The following ESYT2 variants were observed in gnomAD, a reference collection of about 807,000 sequenced individuals.
ESYT2 encodes extended synaptotagmin 2.
Under a neutral mutation model 107.2 loss-of-function variants are expected in ESYT2, and 54 were observed. The observed-to-expected ratio is 0.50, with a 90% CI of 0.40 to 0.63. ESYT2 has a LOEUF of 0.63. ESYT2 is among the 30% of genes least tolerant of loss of function. The pLI is 0.00. For synonymous variants in ESYT2, 491 were observed against 434.1 expected (o/e 1.13, Z -1.63); for missense variants, 1,020 against 1,094.5 (o/e 0.93, Z 0.96).
At chr7:158,746,175 G>A (rs570036250) in intron 16 of ESYT2, among the ~76,000 whole-genome samples, 2 of 152,044 alleles carry the variant, frequency 1.3e-5, no homozygotes, top group South Asian at 4.2e-4. Context: ...GAGCTCAGGA[G>A]TTCGAGACCA....
At chr7:158,739,961 A>C (rs904361930) in intron 18 of ESYT2, among the ~76,000 whole-genome samples, 1 of 152,196 alleles carries the variant, frequency 6.6e-6, no homozygotes, top group Non-Finnish European at 1.5e-5. Context: ...TTAACAGAAT[A>C]AACTGGGTTC....
rs925122654 is a variant in ESYT2, at chr7:158,829,375, C to T, written c.44G>A (p.Gly15Glu). Residue 15 changes from glycine to glutamate, a missense_variant, in exon 1 of 23, where the codon GGG (glycine) becomes GAG (glutamate). Coordinates refer to ENST00000275418, the MANE Select transcript of ESYT2 (RefSeq NM_001367773.1). ...CTCAGGCGCCGCGCGGCCCCCAGCCCCGCCGGCGCCCGCCTCCGGGCCCTC... is the reference window on the plus strand; with the variant it reads ...CTCAGGCGCCGCGCGGCCCCCAGCCTCGCCGGCGCCCGCCTCCGGGCCCTC... Reference protein sequence around the residue: ...RGEGPEAGAGGAGGRAAPENP... With the variant: ...RGEGPEAGAGEAGGRAAPENP... 1.1e-4 allele frequency: 138 copies of T among 1,267,562 alleles called. No individual in the cohort carries two copies. The highest frequency in any genetic ancestry group is 1.3e-4 in the Non-Finnish European group (134 of 1,013,750). The allele number at this position is 1,267,562 out of a possible 1,614,324, so 78.5% of individuals were successfully genotyped here.
At chr7:158,819,266 T>G (rs1220839907) in intron 1 of ESYT2, among the ~76,000 whole-genome samples, 3 of 152,242 alleles carry the variant, frequency 2.0e-5, no homozygotes, top group African/African-American at 7.2e-5. Flanking sequence ...AAAATTATCA[T>G]GTCTAATGAG....
intron 15 of ESYT2, among the ~76,000 whole-genome samples, chr7:158,749,370 C>T (rs1390892690): frequency 3.3e-5 from 5 of 152,122 alleles, no homozygotes; most frequent in African/African-American, 9.7e-5. Flanking sequence ...CTCCCTGCCT[C>T]GGCCTCCCAA....
intron 13 of ESYT2, among the ~76,000 whole-genome samples, chr7:158,754,678 ATAAACT>A (rs1373915242): frequency 6.6e-6 from 1 of 152,204 alleles, no homozygotes. Flanking sequence ...TGATGAATCT[ATAAACT>A]TAATAAAGTG....
chr7:158,797,887 T>A (rs1317837615), intron 3 of ESYT2, 55 bp downstream of exon 3: 2 of 1,569,058 alleles, frequency 1.3e-6, no homozygotes, highest in Middle Eastern at 1.7e-4. Flanking sequence ...TGTTGTTTTG[T>A]GTTTTCACAG....
chr7:158,749,509 G>C (rs1837516415), intron 15 of ESYT2, 140 bp downstream of exon 15: 3 of 700,742 alleles, frequency 4.3e-6, no homozygotes, highest in Non-Finnish European at 4.8e-6. Context: ...AGAAAAAATA[G>C]ATCTGAAAAG....
At chr7:158,761,128 C>T (rs1315159620) in intron 11 of ESYT2, among the ~76,000 whole-genome samples, 1 of 152,154 alleles carries the variant, frequency 6.6e-6, no homozygotes, top group Non-Finnish European at 1.5e-5. Flanking sequence ...ACTGTGCCTT[C>T]TCCACCATTC....
At chr7:158,777,557 T>C (rs1584831768) in intron 6 of ESYT2, among the ~76,000 whole-genome samples, 1 of 152,210 alleles carries the variant, frequency 6.6e-6, no homozygotes, top group Admixed American at 6.5e-5. Flanking sequence ...CCTGCCATCA[T>C]GTAAGATGTG....
intron 6 of ESYT2, among the ~76,000 whole-genome samples, chr7:158,783,903 C>A (rs1839015401): frequency 6.6e-6 from 1 of 152,230 alleles, no homozygotes; most frequent in South Asian, 2.1e-4. Context: ...GGGACAGAAG[C>A]CATGGGGGAG....
chr7:158,741,028 CTA>C (rs1183570234), intron 18 of ESYT2, among the ~76,000 whole-genome samples: 2 of 152,258 alleles, frequency 1.3e-5, no homozygotes, highest in Non-Finnish European at 2.9e-5. Flanking sequence ...TAACACACAC[CTA>C]TGAGTCATGG....
chr7:158,799,301 A>C (rs1486883725), intron 1 of ESYT2, among the ~76,000 whole-genome samples: 1 of 152,246 alleles, frequency 6.6e-6, no homozygotes, highest in Non-Finnish European at 1.5e-5. Context: ...TTGTGTGTGG[A>C]AAATGCCATC....
At chr7:158,824,654 G>T (rs969410695) in intron 1 of ESYT2, among the ~76,000 whole-genome samples, 1 of 152,090 alleles carries the variant, frequency 6.6e-6, no homozygotes, top group African/African-American at 2.4e-5. Flanking sequence ...AAGTATGAGG[G>T]TAATAAAAGA....
chr7:158,765,113 G>C (rs1056552356), intron 8 of ESYT2, among the ~76,000 whole-genome samples: 1 of 152,022 alleles, frequency 6.6e-6, no homozygotes, highest in African/African-American at 2.4e-5. Context: ...GCTTCTGGAG[G>C]GACAACCCCT....
In ESYT2 at chr7:158,759,483, T is replaced by G. The variant is rs1206177759; in HGVS notation, c.1419+3A>C. On this transcript the variant is annotated splice_donor_region_variant and intron_variant, in intron 13 of 22. Coordinates refer to ENST00000275418, the MANE Select transcript of ESYT2 (RefSeq NM_001367773.1). ...CCACAGGTGTTACCACTGTGTTACC[T>G]ACCGGAAGGTTCCTTGCTGAATCCA... 1 of 1,608,050 alleles carries G rather than the reference T, an allele frequency of 6.2e-7. No individual in the cohort carries two copies. Among genetic ancestry groups the G allele is most frequent in the Non-Finnish European group, 8.5e-7 (1 of 1,175,454 alleles).
At chr7:158,806,081 G>A (rs1420295266) in intron 1 of ESYT2, among the ~76,000 whole-genome samples, 1 of 149,490 alleles carries the variant, frequency 6.7e-6, no homozygotes, top group Non-Finnish European at 1.5e-5. Flanking sequence ...CACCGCGTGG[G>A]AGGCGCCGGG....
chr7:158,741,230 C>T (rs980130524), intron 18 of ESYT2, among the ~76,000 whole-genome samples: 6 of 152,230 alleles, frequency 3.9e-5, no homozygotes, highest in Admixed American at 1.3e-4. Context: ...CCCAGGCACA[C>T]AGCAGCGTCC....
Position 158,741,522 on chromosome 7 carries a change from C to T in ESYT2, c.2168+1G>A, listed in dbSNP as rs1175358812. 4 of 1,566,044 alleles carry T rather than the reference C, an allele frequency of 2.6e-6. No individual in the cohort carries two copies. The highest frequency in any genetic ancestry group is 3.4e-6 in the Non-Finnish European group (4 of 1,163,388). The stretch of plus-strand genomic sequence containing the variant: ...GAAACAACATGGTGGCACTTAGTTA[C>T]TTTTCCAGCTGCCTCAGCCTTTGCC... On this transcript the variant is annotated splice_donor_variant, in intron 18 of 22. Transcript: ENST00000275418. LOFTEE classifies it high-confidence loss of function.
rs183974813 is a variant in ESYT2 at position 158,789,203 on chromosome 7, G to A, written c.585-786C>T. Among the ~76,000 whole-genome samples, 64 of 152,228 alleles carry A rather than the reference G, an allele frequency of 4.2e-4. No homozygotes were observed. The East Asian group carries it at 0.012, about 28-fold the overall frequency. On this transcript the variant is annotated intron_variant, in intron 4 of 22. Coordinates refer to ENST00000275418, the MANE Select transcript of ESYT2 (RefSeq NM_001367773.1). ...TAGTAACAAAAGGAATCTGGGATAA[G>A]TTTCTTCCAATATTTATTGTCCTGG...
Sources: allele counts gnomAD v4.1 joint callset (sites outside exome capture counted in the v4.1 genomes callset), GRCh38; gene constraint gnomAD v4.1.1; transcripts MANE v1.5; gene names NCBI Gene and HGNC (gene_info 2026-07-23, HGNC 2026-07-21).